SLC24A3: variants seen among roughly 807,000 people sequenced by gnomAD.
The protein encoded by SLC24A3 is solute carrier family 24 member 3.
A neutral mutation model predicts 75.8 loss-of-function variants in SLC24A3; 28 were observed. The observed-to-expected ratio is 0.37, with a 90% confidence interval of 0.27 to 0.51. The LOEUF is 0.51. Among genes scored for constraint, SLC24A3 ranks in the 20% least tolerant of loss-of-function variants. The pLI is 0.94. For missense variants in SLC24A3, 663 were observed against 847.8 expected (o/e 0.78, Z 2.71); for synonymous variants, 372 against 334.1 (o/e 1.11, Z -1.24).
intron 15 of SLC24A3, among the ~76,000 whole-genome samples, chr20:19,713,878 G>T (rs1407390400): frequency 6.6e-6 from 1 of 152,160 alleles, no homozygotes; most frequent in African/African-American, 2.4e-5. Context: ...TGATGATACA[G>T]CAAGTGAATG....
chr20:19,705,075 C>A (rs147218711), intron 15 of SLC24A3, among the ~76,000 whole-genome samples: 1,540 of 152,282 alleles, frequency 0.01, 25 homozygotes, highest in African/African-American at 0.035. Flanking sequence ...CCAGATCCAT[C>A]CCTGAGTTTG....
At chr20:19,546,487 A>ACC (rs1170865502) in intron 3 of SLC24A3, among the ~76,000 whole-genome samples, 1 of 152,174 alleles carries the variant, frequency 6.6e-6, no homozygotes, top group Non-Finnish European at 1.5e-5. Flanking sequence ...GGCTGGAAGG[A>ACC]CCGGAGCCCT....
At chr20:19,637,609 A>G (rs1260946581) in intron 6 of SLC24A3, among the ~76,000 whole-genome samples, 1 of 152,212 alleles carries the variant, frequency 6.6e-6, no homozygotes, top group East Asian at 1.9e-4. Context: ...TATAACTGCT[A>G]TTTATCGTTT....
chr20:19,451,065 G>A (rs954859043), intron 2 of SLC24A3, among the ~76,000 whole-genome samples: 6 of 152,156 alleles, frequency 3.9e-5, no homozygotes, highest in Non-Finnish European at 7.3e-5. Context: ...TCCATTATGT[G>A]ACCCAGGTGC....
chr20:19,389,445 C>T (rs550496526), intron 2 of SLC24A3, among the ~76,000 whole-genome samples: 1 of 152,092 alleles, frequency 6.6e-6, no homozygotes, highest in African/African-American at 2.4e-5. Flanking sequence ...CAGGGAAAGT[C>T]CTTATCTCTC....
At chr20:19,720,259 G>A (rs376311217) in intron 16 of SLC24A3, among the ~76,000 whole-genome samples, 2 of 152,184 alleles carry the variant, frequency 1.3e-5, no homozygotes, top group East Asian at 1.9e-4. Flanking sequence ...GGGTGTGAGT[G>A]GCTGAGGCCA....
At chr20:19,581,607 G>T (rs2031219399) in intron 4 of SLC24A3, among the ~76,000 whole-genome samples, 1 of 152,160 alleles carries the variant, frequency 6.6e-6, no homozygotes, top group South Asian at 2.1e-4. Flanking sequence ...TCCCTGATAT[G>T]GTTCAGTCGC....
Position 19,684,294 on chromosome 20 carries a change from C to G in SLC24A3, c.1020C>G (p.Pro340=). 6.2e-7 allele frequency: 1 copy of G among 1,614,118 alleles called. No individual in the cohort carries two copies. The highest frequency in any genetic ancestry group is 8.5e-7 in the Non-Finnish European group (1 of 1,180,006). The change falls in exon 11 of 17, where the codon CCC becomes CCG. Residue 340 remains proline, a synonymous_variant. Coordinates refer to ENST00000328041, the MANE Select transcript of SLC24A3 (RefSeq NM_020689.4). ...LRIMITSHFP[P]KTRLSMASRM... is the part of the protein sequence containing the mutation. ...TCATGATAACCAGCCACTTTCCCCC[C>G]AAGACCCGGCTCTCCATGGCCAGTC...
chr20:19,299,061 G>T (rs1984130516), intron 2 of SLC24A3, among the ~76,000 whole-genome samples: 1 of 152,166 alleles, frequency 6.6e-6, no homozygotes, highest in African/African-American at 2.4e-5. Flanking sequence ...AAAAAAGCCG[G>T]CACTGCCAGT....
At chr20:19,321,178 C>G (rs1439725934) in intron 2 of SLC24A3, among the ~76,000 whole-genome samples, 1 of 152,090 alleles carries the variant, frequency 6.6e-6, no homozygotes, top group Non-Finnish European at 1.5e-5. Context: ...GACTCTTTGG[C>G]TCTAAATACT....
At chr20:19,536,516 G>C (rs951937765) in intron 3 of SLC24A3, among the ~76,000 whole-genome samples, 1 of 152,032 alleles carries the variant, frequency 6.6e-6, no homozygotes, top group Admixed American at 6.6e-5. Context: ...ACAGAATTGG[G>C]AAAAACTACT....
intron 2 of SLC24A3, among the ~76,000 whole-genome samples, chr20:19,364,094 CAG>C (rs1265294194): frequency 2.0e-5 from 3 of 152,158 alleles, no homozygotes; most frequent in Non-Finnish European, 4.4e-5. Context: ...TAATGGGAAA[CAG>C]AGCTGTGCTG....
At chr20:19,468,043 T>C (rs924755406) in intron 2 of SLC24A3, among the ~76,000 whole-genome samples, 2 of 152,132 alleles carry the variant, frequency 1.3e-5, no homozygotes, top group African/African-American at 4.8e-5. Flanking sequence ...AGAAGCATCA[T>C]TGAGATGTTC....
chr20:19,422,007 A>T (rs1407310488), intron 2 of SLC24A3, among the ~76,000 whole-genome samples: 1 of 152,138 alleles, frequency 6.6e-6, no homozygotes, highest in Non-Finnish European at 1.5e-5. Flanking sequence ...CCTCAGCCTC[A>T]GAGTTGTCCC....
chr20:19,395,162 G>T (rs752636939), intron 2 of SLC24A3, among the ~76,000 whole-genome samples: 55 of 152,322 alleles, frequency 3.6e-4, no homozygotes, highest in Non-Finnish European at 6.5e-4. Context: ...CAGGAAGTTG[G>T]ATGGTGGTTG....
At chr20:19,323,415 A>G (rs1229534690) in intron 2 of SLC24A3, among the ~76,000 whole-genome samples, 2 of 152,164 alleles carry the variant, frequency 1.3e-5, no homozygotes, top group Non-Finnish European at 2.9e-5. Flanking sequence ...TTATCCTAGG[A>G]CACACAGGTT....
At chr20:19,422,329 G>A (rs1986930723) in intron 2 of SLC24A3, among the ~76,000 whole-genome samples, 1 of 152,126 alleles carries the variant, frequency 6.6e-6, no homozygotes. Flanking sequence ...AGAGAGGGCA[G>A]GCTGCTACTG....
chr20:19,534,750 C>T (rs186103412), intron 3 of SLC24A3, among the ~76,000 whole-genome samples: 1 of 152,252 alleles, frequency 6.6e-6, no homozygotes, highest in East Asian at 1.9e-4. Flanking sequence ...GTAGAGACCC[C>T]TGACTGCTTT....
chr20:19,510,415 G>GT (rs1988519253), intron 2 of SLC24A3, among the ~76,000 whole-genome samples: 1 of 152,202 alleles, frequency 6.6e-6, no homozygotes, highest in African/African-American at 2.4e-5. Flanking sequence ...AATTATGTGT[G>GT]TATAAGTTAT....
Sources: allele counts gnomAD v4.1 joint callset (sites outside exome capture counted in the v4.1 genomes callset), GRCh38; gene constraint gnomAD v4.1.1; transcripts MANE v1.5; gene names NCBI Gene and HGNC (gene_info 2026-07-23, HGNC 2026-07-21).